Variants in EIF4G2 observed in about 807,000 individuals in gnomAD.
EIF4G2 encodes DAP-5.
In EIF4G2, 8 loss-of-function variants were observed where a neutral mutation model predicts 117.7. That is an observed-to-expected ratio of 0.07 (90% CI 0.04 to 0.12). The LOEUF is 0.12. EIF4G2 is among the 10% of genes least tolerant of loss of function. The pLI, the probability that EIF4G2 is intolerant of heterozygous loss-of-function variation, is 1.00. For synonymous variants in EIF4G2, 413 were observed against 367.8 expected (o/e 1.12, Z -1.41); for missense variants, 812 against 1,086.2 (o/e 0.75, Z 3.55).
intron 5 of EIF4G2, 159 bp downstream of exon 5, chr11:10,804,754 T>G: frequency 1.5e-6 from 1 of 646,286 alleles, no homozygotes; most frequent in Non-Finnish European, 2.7e-6. Flanking sequence ...GCTACTAAAG[T>G]CAGTGGTTCT....
At position 10,805,459 on chromosome 11, in the gene EIF4G2, T is replaced by C. The variant is rs564544354; in HGVS notation, c.249-444A>G. On this transcript the variant is annotated intron_variant, in intron 4 of 21. Coordinates refer to ENST00000339995, the MANE Select transcript of EIF4G2 (RefSeq NM_001418.4). Reference sequence around the variant, plus strand: ...TGCTGTTCTTCAGTTCAAGATACATTTTTTTTTTTTGAGACACAGTCTTGC... The same window carrying C: ...TGCTGTTCTTCAGTTCAAGATACATCTTTTTTTTTTGAGACACAGTCTTGC... Among the ~76,000 whole-genome samples, 23 of 150,372 alleles carry C rather than the reference T, an allele frequency of 1.5e-4. 1 individual carries two copies. The East Asian group carries it at 2.7e-3, about 18-fold the overall frequency.
chr11:10,804,972 G>A lies in EIF4G2; in HGVS notation c.292C>T (p.Leu98Phe), dbSNP rs867009080. Residue 98 changes from leucine (L) to phenylalanine (F), a missense_variant, in exon 5 of 22, where the codon CTT (leucine) becomes TTT (phenylalanine). By Grantham distance (22) the Leu-to-Phe change is conservative. Coordinates refer to ENST00000339995, the MANE Select transcript of EIF4G2 (RefSeq NM_001418.4). The stretch of plus-strand genomic sequence containing the variant: ...TCTACACCCACATTGAGGAGCTCAA[G>A]GCATAGCTTGTCAAACTTTTCAGGA... 13 of 1,614,078 alleles carry A rather than the reference G, an allele frequency of 8.1e-6. No homozygotes were observed. In the Middle Eastern group the frequency reaches 1.8e-3, roughly 225 times the overall value.
At position 10,801,777 on chromosome 11, in the gene EIF4G2, A is replaced by G; in HGVS notation, c.1300-3T>C. 1 of 1,611,728 alleles carries G rather than the reference A, an allele frequency of 6.2e-7. No individual in the cohort carries two copies. Among genetic ancestry groups the G allele is most frequent in the East Asian group, 2.2e-5 (1 of 44,862 alleles). On this transcript the variant is annotated splice_polypyrimidine_tract_variant and splice_region_variant and intron_variant, in intron 13 of 21. Coordinates refer to ENST00000339995, the MANE Select transcript of EIF4G2 (RefSeq NM_001418.4). ...TTATGGTAGAGCTGGCTTAGCCCCT[A>G]TTTCAGAAAAGGAGAAAGAAAGTCT...
chr11:10,799,405 T>A lies in EIF4G2; in HGVS notation c.2344A>T (p.Ser782Cys), dbSNP rs777340616. 38 of 1,611,674 alleles carry A rather than the reference T, an allele frequency of 2.4e-5. No individual in the cohort carries two copies. Among genetic ancestry groups the A allele is most frequent in the Non-Finnish European group, 3.0e-5 (35 of 1,180,014 alleles). The change falls in exon 20 of 22, where the codon AGT becomes TGT. Residue 782 changes from serine (S) to cysteine (C), a missense_variant. By Grantham distance (112) the Ser-to-Cys change is moderately radical (BLOSUM62 -1). Around this residue, in one of 4 missense-constraint regions of EIF4G2, gnomAD observed 571 missense variants for 642.3 expected, o/e 0.89. Transcript: ENST00000339995. Reference sequence around the variant, plus strand: ...TCATCGCTGGGGGGGTTTACTTCACTAGAAATGTACTGTAAGAAGCTGGAC... The same window carrying A: ...TCATCGCTGGGGGGGTTTACTTCACAAGAAATGTACTGTAAGAAGCTGGAC...
intron 1 of EIF4G2, 67 bp from the exon 2 acceptor site, chr11:10,807,448 T>C: frequency 3.4e-6 from 5 of 1,456,672 alleles, no homozygotes; most frequent in Non-Finnish European, 4.5e-6. Flanking sequence ...TTCATTCAAT[T>C]ACAACGTATT....
At chr11:10,802,554 G>C in intron 11 of EIF4G2, 119 bp from the exon 12 acceptor site, 1 of 1,321,176 alleles carries the variant, frequency 7.6e-7, no homozygotes. Context: ...TGTTATTTCT[G>C]TAAATAACTT....
At chr11:10,808,675 C>T (rs1156279443) in intron 1 of EIF4G2, 30 bp downstream of exon 1, 2 of 239,600 alleles carry the variant, frequency 8.3e-6, no homozygotes, top group South Asian at 4.7e-5. Flanking sequence ...TTAGAGCGCT[C>T]CACTCGGCGG....
Position 10,801,187 on chromosome 11 carries a change from A to T in EIF4G2, c.1414-100T>A, listed in dbSNP as rs1422826036. 12 of 1,504,518 alleles carry T rather than the reference A, an allele frequency of 8.0e-6. No homozygotes were observed. The South Asian group carries it at 1.1e-4, about 13-fold the overall frequency. 93.2% of individuals were successfully genotyped at this position (1,504,518 alleles called of 1,614,324 possible). On this transcript the variant is annotated intron_variant, in intron 14 of 21. Transcript: ENST00000339995. ...TCCTATACAGTGACAGAATCTAGGG[A>T]AACATTAAGCTTTTTGAAAAACTAA...
chr11:10,800,394 G>A (rs747095048), intron 17 of EIF4G2, 38 bp downstream of exon 17: 9 of 1,612,806 alleles, frequency 5.6e-6, no homozygotes, highest in Non-Finnish European at 7.6e-6. Context: ...AATTTGAGTG[G>A]TAAGAGTTCT....
At chr11:10,805,137 T>C in intron 4 of EIF4G2, 122 bp from the exon 5 acceptor site, 1 of 755,698 alleles carries the variant, frequency 1.3e-6, no homozygotes. Flanking sequence ...CAAGACATGT[T>C]TTCTTACTCA....
chr11:10,802,311 A>G lies in EIF4G2; in HGVS notation c.1121T>C (p.Met374Thr), dbSNP rs1308833006. Residue 374 changes from methionine to threonine, a missense_variant, in exon 12 of 22, where the codon ATG becomes ACG. Transcript: ENST00000339995. ...AAAATTACCTGGCATTTGTCCAAACATATCAGCAAGTCCTCCAAGTGGGTC... is the reference window on the plus strand; with the variant it reads ...AAAATTACCTGGCATTTGTCCAAACGTATCAGCAAGTCCTCCAAGTGGGTC... 1 of 1,613,514 alleles carries G rather than the reference A, an allele frequency of 6.2e-7. No homozygotes were observed. Among genetic ancestry groups the G allele is most frequent in the Non-Finnish European group, 8.5e-7 (1 of 1,179,798 alleles).
At chr11:10,804,225 T>C (rs1278919433) in intron 6 of EIF4G2, 22 bp from the exon 7 acceptor site, 2 of 1,613,352 alleles carry the variant, frequency 1.2e-6, no homozygotes, top group Middle Eastern at 1.7e-4. Context: ...GACATTGTCA[T>C]GCTTTATTAA....
intron 5 of EIF4G2, 163 bp from the exon 6 acceptor site, chr11:10,804,581 G>A: frequency 1.2e-6 from 1 of 867,942 alleles, no homozygotes; most frequent in East Asian, 2.7e-5. Context: ...GTCAGAAAAT[G>A]CCATGGATAT....
chr11:10,799,028 G>C lies in EIF4G2; in HGVS notation c.2622C>G (p.Thr874=), dbSNP rs571005968. 7 of 1,611,080 alleles carry C rather than the reference G, an allele frequency of 4.3e-6. No individual in the cohort carries two copies. The highest frequency in any genetic ancestry group is 5.9e-6 in the Non-Finnish European group (7 of 1,179,250). The stretch of plus-strand genomic sequence containing the variant: ...CCTTGCCTTTTCCCGGAAACTCTTG[G>C]GTTATATCTTCTTTCCAAGCCAAGA... The change falls in exon 21 of 22, where the codon ACC becomes ACG. Residue 874 remains threonine, a synonymous_variant. Transcript: ENST00000339995.
intron 21 of EIF4G2, 106 bp downstream of exon 21, chr11:10,798,886 T>C: frequency 7.4e-7 from 1 of 1,342,298 alleles, no homozygotes; most frequent in Non-Finnish European, 1.0e-6. Context: ...GACAAACTAC[T>C]AACTAGGACT....
Position 10,806,797 on chromosome 11 carries a change from GTTTT to G in EIF4G2, c.107+19_107+22del, listed in dbSNP as rs752533273. ...TTTAATCTGTTAAATAAAGCTCACTGTTTTTTTACATGTTTACCACACCTGTTGC... is the reference window on the plus strand; with the variant it reads ...TTTAATCTGTTAAATAAAGCTCACTGTTTACATGTTTACCACACCTGTTGC... On this transcript the variant is annotated intron_variant, in intron 3 of 21. Transcript: ENST00000339995. The G allele has an allele frequency of 1.2e-6, 2 of 1,611,390 alleles. No homozygotes were observed. The highest frequency in any genetic ancestry group is 1.3e-5 in the African/African-American group (1 of 74,826).
Position 10,803,476 on chromosome 11 carries a change from G to C in EIF4G2, c.813+4C>G, listed in dbSNP as rs765299205. On this transcript the variant is annotated splice_donor_region_variant and intron_variant, in intron 9 of 21. Transcript: ENST00000339995. The surrounding 1 kb of genome is among the most constrained non-coding windows in gnomAD (Gnocchi z 4.0). ...TGTACTACTTTCATCAGCTACACAC[G>C]TACCTTGGCTCGTTCATGGTCTAAT... The C allele has an allele frequency of 1.9e-6, 3 of 1,612,132 alleles. No individual in the cohort carries two copies. Among genetic ancestry groups the C allele is most frequent in the Non-Finnish European group, 2.5e-6 (3 of 1,178,330 alleles).
chr11:10,808,559 A>G (rs7127279), intron 1 of EIF4G2, 146 bp downstream of exon 1: 1,064,154 of 1,065,908 alleles, frequency 1, 531,226 homozygotes, highest in East Asian at 1. Flanking sequence ...CTTTCCAGGT[A>G]TCTGAAGCGC....
chr11:10,806,952 A>AT, intron 2 of EIF4G2, 67 bp from the exon 3 acceptor site: 1 of 1,570,414 alleles, frequency 6.4e-7, no homozygotes, highest in Non-Finnish European at 8.7e-7. Context: ...ATAAGCATCT[A>AT]TTTTGTGTTT....
Sources: gnomAD v4.1 joint callset for allele counts (sites outside exome capture counted in the v4.1 genomes callset) on GRCh38, gnomAD v4.1.1 for gene constraint, gnomAD v4.1.1 regional missense constraint, Gnocchi (gnomAD v3.1) non-coding constraint, MANE v1.5 for transcripts, NCBI Gene and HGNC (gene_info 2026-07-23, HGNC 2026-07-21) for gene names.